Variants in NOS1AP observed in about 807,000 individuals in gnomAD.
NOS1AP encodes the protein carboxyl-terminal PDZ ligand of neuronal nitric oxide synthase protein.
In NOS1AP, 21 loss-of-function variants were observed where a neutral mutation model predicts 56.2. The ratio of observed to expected loss-of-function variants is 0.37; its 90% confidence interval spans 0.26 to 0.54. The LOEUF is 0.54. NOS1AP is among the 20% of genes least tolerant of loss of function. NOS1AP has a pLI of 0.84. For synonymous variants in NOS1AP, 270 were observed against 274.6 expected (o/e 0.98, Z 0.17); for missense variants, 522 against 657.8 (o/e 0.79, Z 2.26).
intron 2 of NOS1AP, among the ~76,000 whole-genome samples, chr1:162,209,740 T>C (rs1324303644): frequency 1.3e-5 from 2 of 151,916 alleles, no homozygotes; most frequent in African/African-American, 4.8e-5. Flanking sequence ...TCTTCAAGTT[T>C]TGGAAAGCTC....
At chr1:162,146,577 T>A (rs1334214643) in intron 1 of NOS1AP, among the ~76,000 whole-genome samples, 1 of 152,148 alleles carries the variant, frequency 6.6e-6, no homozygotes, top group African/African-American at 2.4e-5. Flanking sequence ...GCCTGTGGGG[T>A]TGTGCTGCCA....
chr1:162,361,361 T>C (rs1374221375), intron 8 of NOS1AP, among the ~76,000 whole-genome samples: 1 of 152,216 alleles, frequency 6.6e-6, no homozygotes, highest in East Asian at 1.9e-4. Flanking sequence ...CAGAGGGCTG[T>C]AGCAGACTGC....
intron 1 of NOS1AP, among the ~76,000 whole-genome samples, chr1:162,105,948 C>A (rs1356007996): frequency 6.6e-6 from 1 of 152,206 alleles, no homozygotes; most frequent in Non-Finnish European, 1.5e-5. Flanking sequence ...CCTGACTCAG[C>A]CCCCTTCCTA....
At chr1:162,227,420 T>C (rs770391131) in intron 2 of NOS1AP, among the ~76,000 whole-genome samples, 1 of 152,164 alleles carries the variant, frequency 6.6e-6, no homozygotes, top group Non-Finnish European at 1.5e-5. Context: ...AAACCAAGAA[T>C]GGGGATTGAT....
At chr1:162,309,428 G>A (rs1508262) in intron 4 of NOS1AP, among the ~76,000 whole-genome samples, 85,020 of 152,086 alleles carry the variant, frequency 0.56, 23,917 homozygotes, top group East Asian at 0.6. Context: ...AAAATGTAAG[G>A]CAGAAGACAG....
chr1:162,266,144 C>T (rs886179937), intron 2 of NOS1AP, among the ~76,000 whole-genome samples: 2 of 152,096 alleles, frequency 1.3e-5, no homozygotes, highest in African/African-American at 2.4e-5. Flanking sequence ...GGCTGTGAAA[C>T]GAAGTTATTC....
intron 2 of NOS1AP, among the ~76,000 whole-genome samples, chr1:162,264,321 C>T (rs1654330274): frequency 6.6e-6 from 1 of 152,014 alleles, no homozygotes; most frequent in Non-Finnish European, 1.5e-5. Context: ...TCCTTTGTAG[C>T]CTCTGTAATC....
chr1:162,363,947 G>C (rs145408027), intron 8 of NOS1AP: 1 of 985,378 alleles, frequency 1.0e-6, no homozygotes, highest in East Asian at 1.1e-4. Context: ...TAGGGTCAAC[G>C]GCAAGGTCAG....
chr1:162,154,333 C>A (rs1649842312), intron 1 of NOS1AP, 72 bp from the exon 2 acceptor site: 11 of 1,388,118 alleles, frequency 7.9e-6, no homozygotes, highest in Non-Finnish European at 1.1e-5. Flanking sequence ...AGTCCTTTAC[C>A]CTTTGGAACT....
intron 1 of NOS1AP, among the ~76,000 whole-genome samples, chr1:162,135,511 T>C (rs1648956397): frequency 6.6e-6 from 1 of 152,170 alleles, no homozygotes. Context: ...GGACACCTGT[T>C]CTGTCTGCAG....
intron 1 of NOS1AP, among the ~76,000 whole-genome samples, chr1:162,111,181 G>A (rs1283359793): frequency 6.6e-6 from 1 of 152,212 alleles, no homozygotes; most frequent in Non-Finnish European, 1.5e-5. Context: ...TGCTGCTTTA[G>A]GCCTTTGGGG....
intron 2 of NOS1AP, among the ~76,000 whole-genome samples, chr1:162,218,463 A>C (rs1045349397): frequency 6.6e-6 from 1 of 152,204 alleles, no homozygotes; most frequent in Non-Finnish European, 1.5e-5. Context: ...TAAGGGTTTT[A>C]TAATAATGAT....
chr1:162,100,644 C>A lies in NOS1AP; in HGVS notation c.105+30362C>A, dbSNP rs1294881355. On this transcript the variant is annotated intron_variant, in intron 1 of 9. Transcript: ENST00000361897. ...CAGAAGCTCTTTAGTTTAATTAGAT[C>A]CCATTTGTCAATTTCGGCTTTTGTT... Among the ~76,000 whole-genome samples, 8 of 152,082 alleles carry A rather than the reference C, an allele frequency of 5.3e-5. No homozygotes were observed. In the East Asian group the frequency reaches 1.5e-3, roughly 29 times the overall value.
At chr1:162,079,267 T>C (rs145920244) in intron 1 of NOS1AP, among the ~76,000 whole-genome samples, 1 of 152,336 alleles carries the variant, frequency 6.6e-6, no homozygotes, top group African/African-American at 2.4e-5. Flanking sequence ...CTGATGGATG[T>C]CCAGTGGAAT....
intron 1 of NOS1AP, among the ~76,000 whole-genome samples, chr1:162,092,622 A>G (rs1692160003): frequency 6.6e-6 from 1 of 152,150 alleles, no homozygotes; most frequent in Non-Finnish European, 1.5e-5. Flanking sequence ...AAATTTGCAT[A>G]CCCTTGCCTG....
At chr1:162,106,592 A>C (rs980592374) in intron 1 of NOS1AP, among the ~76,000 whole-genome samples, 3 of 152,162 alleles carry the variant, frequency 2.0e-5, no homozygotes, top group African/African-American at 7.2e-5. Context: ...CTTGACTTAC[A>C]ACCAGAAATA....
intron 2 of NOS1AP, among the ~76,000 whole-genome samples, chr1:162,163,871 A>G (rs17422924): frequency 0.034 from 5,116 of 152,306 alleles, 123 homozygotes; most frequent in Non-Finnish European, 0.049. Flanking sequence ...TCTTTTCCTG[A>G]ATCTGCACCA....
intron 5 of NOS1AP, among the ~76,000 whole-genome samples, chr1:162,334,704 G>T (rs1050732552): frequency 6.6e-6 from 1 of 152,190 alleles, no homozygotes; most frequent in African/African-American, 2.4e-5. Context: ...GAATTTATTA[G>T]AGTTACAAAT....
intron 6 of NOS1AP, among the ~76,000 whole-genome samples, chr1:162,345,956 AGAG>A (rs1372397386): frequency 1.3e-5 from 2 of 152,252 alleles, no homozygotes; most frequent in African/African-American, 4.8e-5. Context: ...GAATGATAGC[AGAG>A]GAGGAGTGGC....
Sources: allele counts gnomAD v4.1 joint callset (sites outside exome capture counted in the v4.1 genomes callset), GRCh38; gene constraint gnomAD v4.1.1; transcripts MANE v1.5; gene names NCBI Gene and HGNC (gene_info 2026-07-23, HGNC 2026-07-21).